MCM4: variants seen among roughly 807,000 people sequenced by gnomAD.
MCM4 encodes minichromosome maintenance complex component 4.
Under a neutral mutation model 88.7 loss-of-function variants are expected in MCM4, and 60 were observed. The observed-to-expected ratio is 0.68, with a 90% CI of 0.55 to 0.84. The LOEUF is 0.84. Among genes scored for constraint, MCM4 ranks in the 40% least tolerant of loss-of-function variants. The pLI, the probability that MCM4 is intolerant of heterozygous loss-of-function variation, is 0.00. For synonymous variants in MCM4, 465 were observed against 410.5 expected (o/e 1.13, Z -1.61); for missense variants, 1,149 against 1,105.5 (o/e 1.04, Z -0.56).
At chr8:47,974,989 G>C in intron 15 of MCM4, 27 bp downstream of exon 15, 1 of 1,561,526 alleles carries the variant, frequency 6.4e-7, no homozygotes, top group Non-Finnish European at 8.8e-7. Context: ...GAACAGAAAA[G>C]CTTTTGAAAA....
rs771384969 is a variant in MCM4 at position 47,971,361 on chromosome 8, C to T, written c.1821C>T (p.Leu607=). The change falls in exon 13 of 17, where the codon CTC becomes CTT. Residue 607 remains leucine, a synonymous_variant. Coordinates refer to ENST00000649973, the MANE Select transcript of MCM4 (RefSeq NM_182746.3). ...GATAGGCTGGGATCATCTGTCAGCT[C>T]AATGCGCGCACCTCTGTCCTGGCAG... is the stretch of plus-strand genomic sequence containing the variant. ...SIAKAGIICQ[L]NARTSVLAAA... The T allele has an allele frequency of 3.1e-6, 5 of 1,614,124 alleles. No homozygotes were observed. In the South Asian group the frequency reaches 5.5e-5, roughly 18 times the overall value.
chr8:47,976,864 A>C lies in MCM4; in HGVS notation c.*86A>C. 1.2e-6 allele frequency: 1 copy of C among 825,170 alleles called. No individual in the cohort carries two copies. Among genetic ancestry groups the C allele is most frequent in the Admixed American group, 1.9e-5 (1 of 51,788 alleles). 51.1% of individuals were successfully genotyped at this position (825,170 alleles called of 1,614,324 possible). On this transcript the variant is annotated 3_prime_UTR_variant, in exon 17 of 17. Coordinates refer to ENST00000649973, the MANE Select transcript of MCM4 (RefSeq NM_182746.3). ...GTCTGCATCTCAGTTGGCCGCCATC[A>C]GTGTAAATAGAGCTTAAAGTCATGG...
rs959494556 is a variant in MCM4, at chr8:47,962,822, A to G, written c.560A>G (p.Asp187Gly). The change falls in exon 6 of 17, where the codon GAT (aspartate) becomes GGT (glycine). Residue 187 changes from aspartate (D) to glycine (G), a missense_variant. By Grantham distance (94) the Asp-to-Gly change is moderately conservative (BLOSUM62 -1). Coordinates refer to ENST00000649973, the MANE Select transcript of MCM4 (RefSeq NM_182746.3). Reference sequence around the variant, plus strand: ...AAAGAAGAAGAAAATGTTGGCATAGATATTACTGAACCTCTATACATGCAA... The same window carrying G: ...AAAGAAGAAGAAAATGTTGGCATAGGTATTACTGAACCTCTATACATGCAA... Reference protein sequence around the residue: ...LAKEEENVGIDITEPLYMQRL... With the variant: ...LAKEEENVGIGITEPLYMQRL... 2 of 1,609,126 alleles carry G rather than the reference A, an allele frequency of 1.2e-6. No homozygotes were observed. Among genetic ancestry groups the G allele is most frequent in the Non-Finnish European group, 1.7e-6 (2 of 1,178,784 alleles).
At chr8:47,969,640 T>C in intron 10 of MCM4, 158 bp from the exon 11 acceptor site, 1 of 654,942 alleles carries the variant, frequency 1.5e-6, no homozygotes, top group Non-Finnish European at 2.6e-6. Flanking sequence ...AGTCCTGGGC[T>C]TGGGAGGGTC....
At chr8:47,972,383 A>G (rs2090961544) in intron 13 of MCM4, among the ~76,000 whole-genome samples, 1 of 151,904 alleles carries the variant, frequency 6.6e-6, no homozygotes, top group African/African-American at 2.4e-5. Context: ...GAGTGGGGTG[A>G]GTGGATGGAC....
intron 5 of MCM4, 127 bp from the exon 6 acceptor site, chr8:47,962,637 G>C: frequency 1.4e-6 from 1 of 725,460 alleles, no homozygotes; most frequent in Non-Finnish European, 2.3e-6. Context: ...TTTTAGAAAA[G>C]AAAAAGGAAG....
intron 10 of MCM4, 101 bp from the exon 11 acceptor site, chr8:47,969,687 AGCCCGACGTG>A: frequency 9.1e-7 from 1 of 1,092,932 alleles, no homozygotes; most frequent in Non-Finnish European, 1.3e-6. Flanking sequence ...TTCCAGGGCC[AGCCCGACGTG>A]GTGCCTCGCT....
Position 47,962,059 on chromosome 8 carries a change from C to G in MCM4, c.242C>G (p.Pro81Arg), listed in dbSNP as rs373393439. Residue 81 changes from proline (P) to arginine (R), a missense_variant, in exon 4 of 17, where the codon CCT becomes CGT. Coordinates refer to ENST00000649973, the MANE Select transcript of MCM4 (RefSeq NM_182746.3). ...CCTAATTTTGTTTTTATAGCTATCC[C>G]TCTTGACTTTGATGTTAGTTCACCA... ...SPPQMHSSAI[P>R]LDFDVSSPLT... The G allele has an allele frequency of 1.2e-6, 2 of 1,613,940 alleles. No homozygotes were observed. The highest frequency in any genetic ancestry group is 2.7e-5 in the African/African-American group (2 of 74,916).
chr8:47,962,239 C>T (rs1241454501), intron 4 of MCM4, 23 bp downstream of exon 4: 1 of 1,614,010 alleles, frequency 6.2e-7, no homozygotes, highest in Non-Finnish European at 8.5e-7. Context: ...TCTCCTGAAA[C>T]CATCTTATGG....
At chr8:47,974,482 T>C (rs887575866) in intron 14 of MCM4, 1 of 452,004 alleles carries the variant, frequency 2.2e-6, no homozygotes, top group Admixed American at 3.5e-5. Context: ...TGCCACCCTC[T>C]CCAAGAATTC....
intron 15 of MCM4, chr8:47,975,182 G>C: frequency 2.9e-6 from 1 of 346,252 alleles, no homozygotes; most frequent in Non-Finnish European, 5.2e-6. Flanking sequence ...GTTTTTTTTT[G>C]TTTTTTTTTT....
In MCM4 at chr8:47,971,460, A is replaced by G. The variant is rs2090953248; in HGVS notation, c.1920A>G (p.Leu640=). 4 of 1,613,902 alleles carry G rather than the reference A, an allele frequency of 2.5e-6. No homozygotes were observed. Among genetic ancestry groups the G allele is most frequent in the Non-Finnish European group, 2.5e-6 (3 of 1,179,900 alleles). ...TIENIQLPHT[L]LSRFDLIFLL... ...AAAACATCCAGCTGCCTCATACTTT[A>G]TTATCAAGGTATTAAAACAGATTTT... is the stretch of plus-strand genomic sequence containing the variant. Residue 640 remains leucine, a synonymous_variant, in exon 13 of 17, where the codon TTA becomes TTG. Coordinates refer to ENST00000649973, the MANE Select transcript of MCM4 (RefSeq NM_182746.3).
In MCM4 at chr8:47,962,151, G is replaced by T; in HGVS notation, c.334G>T (p.Val112Leu). 6.2e-7 allele frequency: 1 copy of T among 1,614,212 alleles called. No individual in the cohort carries two copies. Among genetic ancestry groups the T allele is most frequent in the Non-Finnish European group, 8.5e-7 (1 of 1,180,042 alleles). ...TPRSGVRGTP[V>L]RQRPDLGSAQ... ...AAGAAGTGGTGTTAGGGGCACACCT[G>T]TGAGACAGAGGCCTGACCTGGGCTC... is the stretch of plus-strand genomic sequence containing the variant. The change falls in exon 4 of 17, where the codon GTG (valine) becomes TTG (leucine). Residue 112 changes from valine to leucine, a missense_variant. Physicochemically the swap from Val to Leu is conservative, Grantham distance 32. Coordinates refer to ENST00000649973, the MANE Select transcript of MCM4 (RefSeq NM_182746.3).
intron 16 of MCM4, 136 bp downstream of exon 16, chr8:47,975,984 T>C (rs560875358): frequency 1.4e-4 from 100 of 709,980 alleles, no homozygotes; most frequent in Non-Finnish European, 1.9e-4. Flanking sequence ...CCATAAGCCA[T>C]CATCAAGAAA....
At position 47,970,441 on chromosome 8, in the gene MCM4, C is replaced by T. The variant is rs955851287; in HGVS notation, c.1435-70C>T. ...TTCTTTATAAGAGAGAAAAGTACCTCTAAAGTTTAAACTACATCTCAGTTA... is the reference window on the plus strand; with the variant it reads ...TTCTTTATAAGAGAGAAAAGTACCTTTAAAGTTTAAACTACATCTCAGTTA... On this transcript the variant is annotated intron_variant, in intron 11 of 16. Transcript: ENST00000649973. 9.3e-6 allele frequency: 14 copies of T among 1,508,068 alleles called. No homozygotes were observed. The African/African-American group carries it at 1.8e-4, about 20-fold the overall frequency. 93.4% of individuals were successfully genotyped at this position (1,508,068 alleles called of 1,614,324 possible).
chr8:47,961,137 C>A lies in MCM4; in HGVS notation c.-8C>A. 3 of 1,553,316 alleles carry A rather than the reference C, an allele frequency of 1.9e-6. No homozygotes were observed. Among genetic ancestry groups the A allele is most frequent in the Non-Finnish European group, 2.6e-6 (3 of 1,159,602 alleles). ...GCTTGTCCTTGTCGCGCAGGTACTC[C>A]GAGCACTATGTCGTCCCCGGCGTCG... is the stretch of plus-strand genomic sequence containing the variant. On this transcript the variant is annotated 5_prime_UTR_variant, in exon 2 of 17. Transcript: ENST00000649973.
At chr8:47,975,138 A>G (rs1358331034) in intron 15 of MCM4, among the ~76,000 whole-genome samples, 176 bp downstream of exon 15, 2 of 152,152 alleles carry the variant, frequency 1.3e-5, no homozygotes, top group East Asian at 3.8e-4. Flanking sequence ...TATCTTGATA[A>G]AAATATTGAT....
At chr8:47,961,885 TG>T in intron 3 of MCM4, 167 bp from the exon 4 acceptor site, 1 of 895,408 alleles carries the variant, frequency 1.1e-6, no homozygotes, top group Non-Finnish European at 1.7e-6. Context: ...GCAGCTTCTC[TG>T]GTGCTTTTTT....
At chr8:47,967,723 G>A (rs976980350) in intron 10 of MCM4, among the ~76,000 whole-genome samples, 8 of 152,168 alleles carry the variant, frequency 5.3e-5, no homozygotes, top group Admixed American at 2.0e-4. Flanking sequence ...CTCATGGTTC[G>A]TGTGGTCACT....
Sources: allele counts gnomAD v4.1 joint callset (sites outside exome capture counted in the v4.1 genomes callset), GRCh38; gene constraint gnomAD v4.1.1; transcripts MANE v1.5; gene names NCBI Gene and HGNC (gene_info 2026-07-23, HGNC 2026-07-21).